ITPA: variants seen among roughly 807,000 people sequenced by gnomAD.
The protein encoded by ITPA is inosine triphosphatase.
A neutral mutation model predicts 29.6 loss-of-function variants in ITPA; 29 were observed. The ratio of observed to expected loss-of-function variants is 0.98; its 90% CI spans 0.73 to 1.34. The LOEUF (loss-of-function observed/expected upper bound fraction) is 1.34, where lower values mean the gene tolerates loss of function less well. ITPA is among the 40% of genes most tolerant of loss of function. The pLI is 0.00. For missense variants in ITPA, 241 were observed against 251.5 expected (o/e 0.96, Z 0.28); for synonymous variants, 103 against 99.3 (o/e 1.04, Z -0.22).
At chr20:3,205,505 C>A (rs1397463554), upstream of ITPA, among the ~76,000 whole-genome samples, 2 of 152,028 alleles carry the variant, frequency 1.3e-5, no homozygotes, top group African/African-American at 2.4e-5. Flanking sequence ...AGTTCAAGAC[C>A]AGCCTGGGCA....
intron 6 of ITPA, 157 bp downstream of exon 6, chr20:3,218,789 A>G (rs1434410036): frequency 2.9e-6 from 2 of 691,252 alleles, no homozygotes; most frequent in Non-Finnish European, 5.2e-6. Context: ...CAGCATAGGT[A>G]GAAGTGCTGT....
At chr20:3,209,005 T>G (rs2067111671), upstream of ITPA, 1 of 178,040 alleles carries the variant, frequency 5.6e-6, no homozygotes, top group Non-Finnish European at 1.2e-5. The surrounding 1 kb of genome is among the most constrained non-coding windows in gnomAD (Gnocchi z 4.6). Context: ...CTCTACATAC[T>G]GAGCTCTCAA....
At chr20:3,211,997 G>A (rs1411056873) in intron 1 of ITPA, among the ~76,000 whole-genome samples, 1 of 152,078 alleles carries the variant, frequency 6.6e-6, no homozygotes, top group African/African-American at 2.4e-5. Flanking sequence ...ACCAGCCTGG[G>A]CAACAAAGTG....
intron 6 of ITPA, 98 bp downstream of exon 6, chr20:3,218,730 G>A (rs1390920523): frequency 6.2e-6 from 5 of 810,710 alleles, no homozygotes; most frequent in Non-Finnish European, 1.0e-5. Flanking sequence ...GGTGGGAGGG[G>A]CGCCTTGGGG....
In ITPA at chr20:3,221,930, GCTTTT is replaced by G. The variant is rs1456142468; in HGVS notation, c.488+17_488+21del. ...GATATGAGCAGACGTAAGGAGCCCT[GCTTTT>G]CTTCCCTGGGGTGTGGGGTTGGTAC... On this transcript the variant is annotated intron_variant, in intron 7 of 7. Coordinates refer to ENST00000380113, the MANE Select transcript of ITPA (RefSeq NM_033453.4). The G allele has an allele frequency of 6.2e-7, 1 of 1,612,590 alleles. No individual in the cohort carries two copies. Among genetic ancestry groups the G allele is most frequent in the Non-Finnish European group, 8.5e-7 (1 of 1,179,516 alleles).
intron 5 of ITPA, among the ~76,000 whole-genome samples, chr20:3,217,519 G>T (rs1329794419): frequency 3.9e-5 from 6 of 152,006 alleles, no homozygotes; most frequent in African/African-American, 1.4e-4. Context: ...TGTTGCCCAG[G>T]CTGGAGTGCA....
At chr20:3,217,882 A>G (rs1162169493) in intron 5 of ITPA, among the ~76,000 whole-genome samples, 2 of 150,760 alleles carry the variant, frequency 1.3e-5, no homozygotes, top group Non-Finnish European at 3.0e-5. Flanking sequence ...AAAAGTGCCT[A>G]TTACAGTTGG....
upstream of ITPA, among the ~76,000 whole-genome samples, chr20:3,206,917 G>T (rs536024475): frequency 6.6e-6 from 1 of 152,140 alleles, no homozygotes; most frequent in South Asian, 2.1e-4. Context: ...AGGAGGCTGA[G>T]GTGGGAGAAC....
intron 1 of ITPA, among the ~76,000 whole-genome samples, chr20:3,212,152 C>CAG (rs140847890): frequency 0.12 from 17,998 of 151,420 alleles, 1,331 homozygotes; most frequent in Non-Finnish European, 0.16. Flanking sequence ...GCCTGGGTGA[C>CAG]AGAGAGAGAG....
chr20:3,222,185 G>A (rs190784687), intron 7 of ITPA, among the ~76,000 whole-genome samples: 3 of 151,818 alleles, frequency 2.0e-5, no homozygotes, highest in Admixed American at 6.6e-5. Context: ...CAGTGGTTTC[G>A]CCTTTCTGGC....
At chr20:3,210,570 A>G (rs2067148126) in intron 1 of ITPA, among the ~76,000 whole-genome samples, 1 of 152,142 alleles carries the variant, frequency 6.6e-6, no homozygotes. Flanking sequence ...CCTGTAGTGT[A>G]GGGAGGGACT....
intron 5 of ITPA, among the ~76,000 whole-genome samples, 153 bp downstream of exon 5, chr20:3,215,465 C>T (rs1033071622): frequency 2.0e-5 from 3 of 152,168 alleles, no homozygotes; most frequent in African/African-American, 7.2e-5. Context: ...ACCTGCAGCT[C>T]GTACCCTGTA....
intron 5 of ITPA, among the ~76,000 whole-genome samples, chr20:3,216,530 T>G (rs889595182): frequency 2.7e-5 from 4 of 148,954 alleles, no homozygotes; most frequent in African/African-American, 1.0e-4. Flanking sequence ...CTCGGCTCAC[T>G]ACAACCTCCG....
Position 3,209,673 on chromosome 20 carries a change from G to C in ITPA, c.66+56G>C. 6.8e-7 allele frequency: 1 copy of C among 1,464,290 alleles called. No individual in the cohort carries two copies. The highest frequency in any genetic ancestry group is 1.4e-5 in the African/African-American group (1 of 71,888). 90.7% of individuals were successfully genotyped at this position (1,464,290 alleles called of 1,614,324 possible). A position where few individuals can be genotyped will look rare whatever the true frequency, so the allele number is the denominator to read the frequency against. ...AGGCGGCTGGGAATAGGGCGGAGAA[G>C]GGGCTTCCGGGAGGAGGGAAGCACG... On this transcript the variant is annotated intron_variant, in intron 1 of 7. Transcript: ENST00000380113. This position sits in a 1 kb window ranked among gnomAD's most constrained non-coding sequence, Gnocchi z 4.6.
chr20:3,206,889 C>T (rs966457890), upstream of ITPA, among the ~76,000 whole-genome samples: 1 of 151,720 alleles, frequency 6.6e-6, no homozygotes, highest in Non-Finnish European at 1.5e-5. Context: ...TGGTGCATGC[C>T]TGGAGTCCCA....
chr20:3,221,210 C>CT (rs11481198), intron 6 of ITPA, among the ~76,000 whole-genome samples: 8,896 of 144,526 alleles, frequency 0.062, 689 homozygotes, highest in African/African-American at 0.18. Context: ...TTTTTCTTTT[C>CT]TTTCTTTTTT....
At chr20:3,227,285 G>A (rs2067566285), downstream of ITPA, 1 of 203,658 alleles carries the variant, frequency 4.9e-6, no homozygotes, top group Non-Finnish European at 1.0e-5. Flanking sequence ...AGCACCCACT[G>A]TGCGACGTTG....
At position 3,209,642 on chromosome 20, in the gene ITPA, A is replaced by C; in HGVS notation, c.66+25A>C. The C allele has an allele frequency of 6.2e-7, 1 of 1,608,140 alleles. No individual in the cohort carries two copies. The highest frequency in any genetic ancestry group is 8.5e-7 in the Non-Finnish European group (1 of 1,174,910). ...GGTGCCGGGAGGGTGTTGGGGGCTAACTGGGAGGCGGCTGGGAATAGGGCG... is the reference window on the plus strand; with the variant it reads ...GGTGCCGGGAGGGTGTTGGGGGCTACCTGGGAGGCGGCTGGGAATAGGGCG... On this transcript the variant is annotated intron_variant, in intron 1 of 7. Transcript: ENST00000380113. This position sits in a 1 kb window ranked among gnomAD's most constrained non-coding sequence, Gnocchi z 4.6.
chr20:3,204,891 C>T (rs2067060189), upstream of ITPA, among the ~76,000 whole-genome samples: 1 of 151,858 alleles, frequency 6.6e-6, no homozygotes, highest in Admixed American at 6.6e-5. Flanking sequence ...GTCTCTGTCG[C>T]ACAGGCTGGA....
Sources: gnomAD v4.1 joint callset for allele counts (sites outside exome capture counted in the v4.1 genomes callset) on GRCh38, gnomAD v4.1.1 for gene constraint, Gnocchi (gnomAD v3.1) non-coding constraint, MANE v1.5 for transcripts, NCBI Gene and HGNC (gene_info 2026-07-23, HGNC 2026-07-21) for gene names.